Variants in TMEM120B observed in about 807,000 individuals in gnomAD.
The protein encoded by TMEM120B is transmembrane protein 120B.
TMEM120B carries 31 observed loss-of-function variants against 55.5 expected under a neutral mutation model. The ratio of observed to expected loss-of-function variants is 0.56; its 90% CI spans 0.42 to 0.75. The LOEUF is 0.75. Ranked by LOEUF, TMEM120B falls within the 30% of genes least tolerant of loss-of-function variation. The pLI, the probability that TMEM120B is intolerant of heterozygous loss-of-function variation, is 0.00. For missense variants in TMEM120B, 399 were observed against 425.5 expected, an observed-to-expected ratio of 0.94 and a Z score of 0.55; for synonymous variants, 203 against 176.3, an observed-to-expected ratio of 1.15 and a Z score of -1.20.
At chr12:121,714,789 T>A (rs1592919711) in intron 1 of TMEM120B, among the ~76,000 whole-genome samples, 1 of 148,932 alleles carries the variant, frequency 6.7e-6, no homozygotes, top group Non-Finnish European at 1.5e-5. Context: ...CTCAATCTCT[T>A]GACCTCGTGA....
At chr12:121,749,626 C>A (rs183611314) in intron 3 of TMEM120B, among the ~76,000 whole-genome samples, 3 of 152,172 alleles carry the variant, frequency 2.0e-5, no homozygotes, top group African/African-American at 7.2e-5. Context: ...TGCAGTGACG[C>A]TGGGCACAGT....
At chr12:121,739,750 G>A (rs1434048371) in intron 1 of TMEM120B, among the ~76,000 whole-genome samples, 1 of 150,454 alleles carries the variant, frequency 6.6e-6, no homozygotes, top group African/African-American at 2.4e-5. Context: ...GGGATTACAA[G>A]TGTGAACCAC....
chr12:121,724,824 A>G (rs1894862612), intron 1 of TMEM120B, among the ~76,000 whole-genome samples: 1 of 149,702 alleles, frequency 6.7e-6, no homozygotes, highest in Admixed American at 6.7e-5. Context: ...ATTAGCCAGG[A>G]TGGTCTCGAT....
In TMEM120B at chr12:121,770,942, C is replaced by A. The variant is rs376403880; in HGVS notation, c.587C>A (p.Ser196Tyr). The A allele has an allele frequency of 6.2e-7, 1 of 1,614,146 alleles. No individual in the cohort carries two copies. The highest frequency in any genetic ancestry group is 1.1e-5 in the South Asian group (1 of 91,058). Residue 196 changes from serine (S) to tyrosine (Y), a missense_variant, in exon 7 of 12, where the codon TCC becomes TAC. Around this residue, in one of 3 missense-constraint regions of TMEM120B, gnomAD observed 260 missense variants for 303.9 expected, o/e 0.86. Coordinates refer to ENST00000449592, the MANE Select transcript of TMEM120B (RefSeq NM_001080825.2). ...TGGTGGGTGTCTCACCACTACGTCT[C>A]CACATTCCTGTCCGGAGTGATGCTG... ...KGWWVSHHYV[S>Y]TFLSGVMLTW...
chr12:121,754,017 G>A (rs897429359), intron 5 of TMEM120B, among the ~76,000 whole-genome samples: 4 of 152,032 alleles, frequency 2.6e-5, no homozygotes, highest in African/African-American at 7.3e-5. Flanking sequence ...TCTGGCCCTG[G>A]GTTCTCTGTC....
chr12:121,760,365 G>T (rs1873633440), intron 5 of TMEM120B, among the ~76,000 whole-genome samples: 1 of 150,044 alleles, frequency 6.7e-6, no homozygotes, highest in South Asian at 2.1e-4. Context: ...CAAGTGTGCG[G>T]TGTGCCCTTT....
At chr12:121,725,375 C>G (rs1288304771) in intron 1 of TMEM120B, among the ~76,000 whole-genome samples, 1 of 152,146 alleles carries the variant, frequency 6.6e-6, no homozygotes, top group Non-Finnish European at 1.5e-5. Flanking sequence ...CTCCCGTGTT[C>G]TAATCTACTG....
intron 1 of TMEM120B, among the ~76,000 whole-genome samples, chr12:121,724,615 G>GT (rs11321046): frequency 2.3e-4 from 32 of 137,726 alleles, no homozygotes; most frequent in East Asian, 1.7e-3. Flanking sequence ...TAAAAGTTGT[G>GT]TTTTTTTTTT....
intron 1 of TMEM120B, among the ~76,000 whole-genome samples, chr12:121,724,030 CTTTTTTTTT>C (rs56972824): frequency 2.6e-5 from 2 of 76,006 alleles, no homozygotes. Context: ...TCAAGTGATC[CTTTTTTTTT>C]TTTTTTTTTT....
At position 121,775,701 on chromosome 12, in the gene TMEM120B, A is replaced by G. The variant is rs747794554; in HGVS notation, c.999A>G (p.Arg333=). The change falls in exon 12 of 12, where the codon AGA becomes AGG. Residue 333 remains arginine, a synonymous_variant. Coordinates refer to ENST00000449592, the MANE Select transcript of TMEM120B (RefSeq NM_001080825.2). The surrounding 1 kb of genome is among the most constrained non-coding windows in gnomAD (Gnocchi z 4.3). ...KVVHAKLQKN[R]GKTKQP ...TGCATGCCAAGCTCCAGAAGAACAG[A>G]GGCAAGACAAAGCAGCCGTGAGCCT... The G allele has an allele frequency of 6.2e-7, 1 of 1,613,932 alleles. No homozygotes were observed. Among genetic ancestry groups the G allele is most frequent in the African/African-American group, 1.3e-5 (1 of 74,920 alleles).
At chr12:121,754,451 A>G (rs574890561) in intron 5 of TMEM120B, among the ~76,000 whole-genome samples, 3 of 152,292 alleles carry the variant, frequency 2.0e-5, no homozygotes, top group Non-Finnish European at 2.9e-5. Context: ...GCTTAAAACG[A>G]CAGACACATT....
chr12:121,743,622 T>G lies in TMEM120B; in HGVS notation c.70-7T>G. The stretch of plus-strand genomic sequence containing the variant: ...ACACACCCTCCCCCGGGTCCCCTGT[T>G]CTTCAGGAGACGCACAGGATCTACA... On this transcript the variant is annotated splice_region_variant and splice_polypyrimidine_tract_variant and intron_variant, in intron 1 of 11. Transcript: ENST00000449592. The G allele has an allele frequency of 6.2e-7, 1 of 1,608,418 alleles. No individual in the cohort carries two copies. Among genetic ancestry groups the G allele is most frequent in the Non-Finnish European group, 8.5e-7 (1 of 1,175,652 alleles).
At chr12:121,766,081 G>A (rs1174583843) in intron 6 of TMEM120B, among the ~76,000 whole-genome samples, 8 of 152,102 alleles carry the variant, frequency 5.3e-5, no homozygotes, top group African/African-American at 7.2e-5. Context: ...AGACGGCGTC[G>A]CTGAACCCTA....
chr12:121,761,685 G>T lies in TMEM120B; in HGVS notation c.498G>T (p.Trp166Cys), dbSNP rs775322536. The T allele has an allele frequency of 6.2e-7, 1 of 1,613,990 alleles. No homozygotes were observed. The highest frequency in any genetic ancestry group is 8.5e-7 in the Non-Finnish European group (1 of 1,179,968). The stretch of plus-strand genomic sequence containing the variant: ...AAGTCTTCAACTTCCTGCTGGTGTG[G>T]TATTACTGCACCCTGACCATTCGGG... Reference protein sequence around the residue: ...TDEVFNFLLVWYYCTLTIRES... With the variant: ...TDEVFNFLLVCYYCTLTIRES... The change falls in exon 6 of 12, where the codon TGG becomes TGT. Residue 166 changes from tryptophan to cysteine, a missense_variant. By Grantham distance (215) the Trp-to-Cys change is radical. Around this residue, in one of 3 missense-constraint regions of TMEM120B, gnomAD observed 260 missense variants for 303.9 expected, o/e 0.86. Coordinates refer to ENST00000449592, the MANE Select transcript of TMEM120B (RefSeq NM_001080825.2).
intron 3 of TMEM120B, among the ~76,000 whole-genome samples, chr12:121,748,821 C>T (rs775512768): frequency 1.3e-5 from 2 of 152,300 alleles, no homozygotes; most frequent in East Asian, 1.9e-4. Context: ...ACAATCTGTG[C>T]GTCAGACCAA....
intron 5 of TMEM120B, chr12:121,758,228 T>C: frequency 3.0e-6 from 3 of 985,458 alleles, no homozygotes; most frequent in Non-Finnish European, 3.6e-6. Context: ...TCCCTGGGGA[T>C]GCTCACATGG....
chr12:121,750,647 A>C (rs1873254968), intron 4 of TMEM120B, among the ~76,000 whole-genome samples: 2 of 94,952 alleles, frequency 2.1e-5, no homozygotes, highest in African/African-American at 4.7e-5. Flanking sequence ...CACACTGCGA[A>C]CCCACACCCA....
At chr12:121,744,744 G>C (rs1873032378) in intron 2 of TMEM120B, among the ~76,000 whole-genome samples, 1 of 152,136 alleles carries the variant, frequency 6.6e-6, no homozygotes, top group Admixed American at 6.6e-5. Context: ...TCACTTAGCT[G>C]GGCCTCCATT....
In TMEM120B at chr12:121,779,130, G is replaced by A. The variant is rs557671144; in HGVS notation, c.*3408G>A. ...CAGGAGTGGCAGGCTTGGGGCGCCC[G>A]CGTGGAACAGTGCCAGGTCTACGTT... On this transcript the variant is annotated 3_prime_UTR_variant, in exon 12 of 12. Coordinates refer to ENST00000449592, the MANE Select transcript of TMEM120B (RefSeq NM_001080825.2). The A allele has an allele frequency of 8.5e-4, 184 of 217,602 alleles. 1 individual carries two copies. In the South Asian group the frequency reaches 0.014, roughly 16 times the overall value. The allele number at this position is 217,602 out of a possible 1,614,324, so 13.5% of individuals were successfully genotyped here.
Sources: allele counts gnomAD v4.1 joint callset (sites outside exome capture counted in the v4.1 genomes callset), GRCh38; gene constraint gnomAD v4.1.1; regional missense constraint gnomAD v4.1.1; non-coding constraint Gnocchi (gnomAD v3.1); transcripts MANE v1.5; gene names NCBI Gene and HGNC (gene_info 2026-07-23, HGNC 2026-07-21).